Variants in ZC3H12B observed in about 807,000 individuals in gnomAD.
ZC3H12B encodes the protein probable ribonuclease ZC3H12B.
In ZC3H12B, 7 loss-of-function variants were observed where a neutral mutation model predicts 43.9. The observed-to-expected ratio is 0.16, with a 90% CI of 0.09 to 0.30. The LOEUF (loss-of-function observed/expected upper bound fraction) is 0.30. Ranked by LOEUF, ZC3H12B falls within the 10% of genes least tolerant of loss-of-function variation. The pLI, the probability that ZC3H12B is intolerant of heterozygous loss-of-function variation, is 1.00. For synonymous variants in ZC3H12B, 222 were observed against 241.7 expected, an observed-to-expected ratio of 0.92 and a Z score of 0.76; for missense variants, 475 against 670.2, an observed-to-expected ratio of 0.71 and a Z score of 3.22.
the ZC3H12B span, among the ~76,000 whole-genome samples, chrX:65,206,059 T>A: frequency 8.9e-6 from 1 of 112,235 alleles, no homozygotes; most frequent in South Asian, 3.7e-4. Context: ...ATGGCTAGAA[T>A]CAATGTTGAG....
At chrX:65,198,992 G>T in the ZC3H12B span, among the ~76,000 whole-genome samples, 1 of 110,076 alleles carries the variant, frequency 9.1e-6, no homozygotes, top group African/African-American at 3.3e-5. Context: ...ACCTCACCCA[G>T]ATAATTTTTG....
chrX:65,422,771 G>A (rs1329052200), intron 3 of ZC3H12B, among the ~76,000 whole-genome samples: 1 of 109,935 alleles, frequency 9.1e-6, no homozygotes, highest in Non-Finnish European at 1.9e-5. Context: ...ATTTATGAAT[G>A]AGAACATGAG....
Position 65,502,568 on chromosome X carries a change from C to G in ZC3H12B, c.1870C>G (p.Arg624Gly), listed in dbSNP as rs753303498. ...GCTGCACCGCTCAGCATCCCAGAAC[C>G]GACTTCAGCCTTTTCCTCATGGTTA... Residue 624 changes from arginine (R) to glycine (G), a missense_variant, in exon 5 of 5, where the codon CGA becomes GGA. Physicochemically the swap from Arg to Gly is moderately radical, Grantham distance 125. This residue lies in a region of ZC3H12B where 289 missense variants were observed against 359.9 expected (regional missense o/e 0.80). Transcript: ENST00000338957. The G allele has an allele frequency of 8.3e-7, 1 of 1,210,559 alleles. No homozygotes were observed. The highest frequency in any genetic ancestry group is 2.2e-5 in the Admixed American group (1 of 45,955).
At chrX:65,293,456 C>A in the ZC3H12B span, among the ~76,000 whole-genome samples, 3 of 110,140 alleles carry the variant, frequency 2.7e-5, no homozygotes, top group African/African-American at 9.9e-5. Context: ...ATTTAACACA[C>A]CCCGAGAGAT....
the ZC3H12B span, among the ~76,000 whole-genome samples, chrX:65,118,302 G>C: frequency 9.0e-6 from 1 of 111,397 alleles, no homozygotes. Context: ...GGATTCTTAG[G>C]TATTTTATTC....
chrX:65,172,941 G>T, the ZC3H12B span, among the ~76,000 whole-genome samples: 2 of 111,793 alleles, frequency 1.8e-5, no homozygotes, highest in African/African-American at 3.3e-5. Context: ...ATTTAAAGTA[G>T]TTTTTTCTAA....
chrX:65,466,915 AATATATATAT>A (rs58150008), intron 3 of ZC3H12B, among the ~76,000 whole-genome samples: 402 of 23,821 alleles, frequency 0.017, 6 homozygotes, highest in South Asian at 0.028. Context: ...TATAAAACCA[AATATATATAT>A]ATATATATAT....
At chrX:65,194,171 A>G in the ZC3H12B span, among the ~76,000 whole-genome samples, 29 of 102,547 alleles carry the variant, frequency 2.8e-4, no homozygotes, top group Non-Finnish European at 5.1e-4. Flanking sequence ...AGAGATCCAA[A>G]TCATATCACC....
chrX:65,279,561 A>G, the ZC3H12B span, among the ~76,000 whole-genome samples: 2 of 111,248 alleles, frequency 1.8e-5, no homozygotes, highest in Non-Finnish European at 3.8e-5. Flanking sequence ...ACCATATACA[A>G]AGGTCAACTC....
chrX:65,455,816 C>T (rs1435307752), intron 3 of ZC3H12B, among the ~76,000 whole-genome samples: 8 of 111,771 alleles, frequency 7.2e-5, no homozygotes, highest in Non-Finnish European at 1.5e-4. Context: ...GAGTGGGGGC[C>T]AATATTCAAC....
chrX:65,219,997 C>A, the ZC3H12B span, among the ~76,000 whole-genome samples: 1 of 111,205 alleles, frequency 9.0e-6, no homozygotes, highest in Non-Finnish European at 1.9e-5. Flanking sequence ...ATAAAATTAA[C>A]CACAGATTTC....
chrX:65,214,803 G>T, the ZC3H12B span, among the ~76,000 whole-genome samples: 4 of 111,683 alleles, frequency 3.6e-5, no homozygotes, highest in Admixed American at 2.9e-4. Flanking sequence ...AGGTGCATCA[G>T]AGGAATCACT....
At position 65,504,409 on chromosome X, in the gene ZC3H12B, C is replaced by T. The variant is rs2068406168; in HGVS notation, c.*1200C>T. 3 of 112,548 alleles carry T rather than the reference C, an allele frequency of 2.7e-5. No homozygotes were observed. The South Asian group carries it at 1.1e-3, about 41-fold the overall frequency. The allele number at this position is 112,548 out of a possible 1,213,427, so 9.3% of individuals were successfully genotyped here. On this transcript the variant is annotated 3_prime_UTR_variant, in exon 5 of 5. Coordinates refer to ENST00000338957, the Ensembl canonical transcript of ZC3H12B. ...TCTTAGGCACCAGAGCAAAGCAACT[C>T]TGTTTCCTTTGCACATTTTACCTGC...
chrX:65,240,276 A>T, the ZC3H12B span, among the ~76,000 whole-genome samples: 7 of 109,852 alleles, frequency 6.4e-5, no homozygotes, highest in Admixed American at 3.9e-4. Flanking sequence ...TTGTTTTTTA[A>T]TTTTTTTTCC....
the ZC3H12B span, among the ~76,000 whole-genome samples, chrX:65,111,952 G>A: frequency 9.0e-6 from 1 of 111,609 alleles, no homozygotes; most frequent in Non-Finnish European, 1.9e-5. Flanking sequence ...TAGATCAAAG[G>A]CCAGAAATGA....
the ZC3H12B span, among the ~76,000 whole-genome samples, chrX:65,267,677 G>A: frequency 9.0e-6 from 1 of 111,429 alleles, no homozygotes; most frequent in African/African-American, 3.3e-5. Flanking sequence ...TGTACAACCA[G>A]TAAGTCAAAG....
the ZC3H12B span, among the ~76,000 whole-genome samples, chrX:65,066,458 A>T: frequency 1.8e-5 from 2 of 111,722 alleles, no homozygotes; most frequent in African/African-American, 6.5e-5. Context: ...TTCCCTGGGT[A>T]TCACCATCGA....
the ZC3H12B span, among the ~76,000 whole-genome samples, chrX:65,085,022 A>G: frequency 8.9e-6 from 1 of 112,032 alleles, no homozygotes; most frequent in Non-Finnish European, 1.9e-5. Flanking sequence ...GACAAACATC[A>G]CATGTTCTCA....
the ZC3H12B span, among the ~76,000 whole-genome samples, chrX:65,322,343 A>T: frequency 8.9e-6 from 1 of 112,177 alleles, no homozygotes; most frequent in African/African-American, 3.2e-5. Context: ...CTCAACTCCA[A>T]TATTGGAAAT....
Sources: gnomAD v4.1 joint callset for allele counts (sites outside exome capture counted in the v4.1 genomes callset) on GRCh38, gnomAD v4.1.1 for gene constraint, gnomAD v4.1.1 regional missense constraint, MANE v1.5 for transcripts, NCBI Gene and HGNC (gene_info 2026-07-23, HGNC 2026-07-21) for gene names.